RBFOX1: variants seen among roughly 807,000 people sequenced by gnomAD.
RBFOX1 encodes the protein RNA binding fox-1 homolog 1.
In RBFOX1, 8 loss-of-function variants were observed where a neutral mutation model predicts 57.7. The observed-to-expected ratio is 0.14, with a 90% CI of 0.08 to 0.25. RBFOX1 has a LOEUF of 0.25. Ranked by LOEUF, RBFOX1 falls within the 10% of genes least tolerant of loss-of-function variation. RBFOX1 has a pLI of 1.00. For missense variants in RBFOX1, 611 were observed against 548.5 expected (o/e 1.11, Z -1.14); for synonymous variants, 326 against 222.4 (o/e 1.47, Z -4.15).
At chr16:6,091,705 C>G (rs2096177317) in intron 1 of RBFOX1, among the ~76,000 whole-genome samples, 1 of 152,108 alleles carries the variant, frequency 6.6e-6, no homozygotes, top group African/African-American at 2.4e-5. Context: ...TGTCAGGAGC[C>G]TGGAATCCCA....
chr16:6,363,465 A>G (rs1441306220), intron 2 of RBFOX1, among the ~76,000 whole-genome samples: 9 of 152,216 alleles, frequency 5.9e-5, no homozygotes, highest in Non-Finnish European at 1.3e-4. Flanking sequence ...GAGATGTTCT[A>G]GCGTGGAATG....
chr16:7,265,439 ATTTATTTG>A (rs767610605), intron 4 of RBFOX1, among the ~76,000 whole-genome samples: 3 of 150,966 alleles, frequency 2.0e-5, no homozygotes, highest in Non-Finnish European at 4.4e-5. Context: ...TTATTCATTT[ATTTATTTG>A]TTTATTTATT....
intron 4 of RBFOX1, among the ~76,000 whole-genome samples, chr16:7,345,230 G>C (rs532759288): frequency 3.7e-4 from 57 of 152,244 alleles, no homozygotes; most frequent in Admixed American, 2.0e-3. Context: ...GCTTGCAAGC[G>C]ATGTCTTCTA....
At chr16:6,050,648 T>C (rs1246517181) in intron 1 of RBFOX1, among the ~76,000 whole-genome samples, 1 of 152,142 alleles carries the variant, frequency 6.6e-6, no homozygotes, top group Non-Finnish European at 1.5e-5. Flanking sequence ...GGTTGCAATT[T>C]AGTGACACTG....
intron 3 of RBFOX1, among the ~76,000 whole-genome samples, chr16:6,931,384 C>T (rs150941175): frequency 2.9e-4 from 43 of 150,334 alleles, no homozygotes; most frequent in African/African-American, 1.0e-3. Context: ...TATATACATA[C>T]ATATATGTGT....
intron 3 of RBFOX1, among the ~76,000 whole-genome samples, chr16:6,933,968 C>T (rs1040715964): frequency 6.6e-6 from 1 of 152,268 alleles, no homozygotes; most frequent in Admixed American, 6.5e-5. Flanking sequence ...GTACTTATCA[C>T]TAAAGTTAAT....
intron 1 of RBFOX1, among the ~76,000 whole-genome samples, chr16:6,199,314 C>T (rs895626865): frequency 6.6e-6 from 1 of 152,290 alleles, no homozygotes; most frequent in African/African-American, 2.4e-5. Flanking sequence ...TGGTTAAATG[C>T]ATGATTTCCC....
chr16:6,320,481 A>C (rs1357970004), intron 2 of RBFOX1, among the ~76,000 whole-genome samples: 1 of 152,114 alleles, frequency 6.6e-6, no homozygotes, highest in African/African-American at 2.4e-5. Context: ...GTACCCCTAA[A>C]AGTATTGAAA....
intron 1 of RBFOX1, among the ~76,000 whole-genome samples, chr16:5,246,824 C>A (rs1005400139): frequency 6.6e-6 from 1 of 152,098 alleles, no homozygotes; most frequent in African/African-American, 2.4e-5. Flanking sequence ...GCATGCACCA[C>A]CACGCTCCAC....
rs1009999149 is a variant in RBFOX1 at position 5,687,588 on chromosome 16, G to A, written c.318+88627G>A. 2.0e-5 allele frequency among the ~76,000 whole-genome samples: 3 copies of A among 152,276 alleles called. No homozygotes were observed. In the East Asian group the frequency reaches 5.8e-4, roughly 29 times the overall value. On this transcript the variant is annotated intron_variant, in intron 3 of 19. Transcript: ENST00000641259. ...CTTAAAGTTTCAGACTAAGTCTTTG[G>A]CCTCTCTGAAAGCCATTTTAGAGAA...
intron 3 of RBFOX1, among the ~76,000 whole-genome samples, chr16:5,646,748 C>T (rs530134789): frequency 2.4e-4 from 37 of 152,228 alleles, no homozygotes; most frequent in African/African-American, 8.7e-4. Context: ...CATTCTCCTG[C>T]CTTAGCCTCC....
At position 6,058,718 on chromosome 16, in the gene RBFOX1, C is replaced by A. The variant is rs113022183; in HGVS notation, c.-127+38726C>A. Among the ~76,000 whole-genome samples, 5 of 117,438 alleles carry A rather than the reference C, an allele frequency of 4.3e-5. 1 individual carries two copies. The highest frequency in any genetic ancestry group is 1.7e-4 in the African/African-American group (5 of 28,766). The allele number at this position is 117,438 out of a possible 152,430, so 77.0% of individuals were successfully genotyped here. A position where few individuals can be genotyped will look rare whatever the true frequency, so the allele number is the denominator to read the frequency against. On this transcript the variant is annotated intron_variant, in intron 1 of 15. Transcript: ENST00000550418. ...TCATCCATACATTCACCCACCCATC[C>A]ACCCACCCATCCACCAATCCATCCA... is the stretch of plus-strand genomic sequence containing the variant.
chr16:6,596,567 G>C (rs2097778597), intron 2 of RBFOX1, among the ~76,000 whole-genome samples: 1 of 143,264 alleles, frequency 7.0e-6, no homozygotes, highest in Non-Finnish European at 1.5e-5. Flanking sequence ...TCTAGGATAA[G>C]AGATGGGTAA....
At chr16:6,844,715 T>C (rs7187208) in intron 3 of RBFOX1, among the ~76,000 whole-genome samples, 119,475 of 152,148 alleles carry the variant, frequency 0.79, 47,667 homozygotes, top group African/African-American at 0.92. Flanking sequence ...AATTGGATTG[T>C]TGGGTCAAAT....
intron 10 of RBFOX1, among the ~76,000 whole-genome samples, chr16:7,629,027 C>G (rs750975222): frequency 1.3e-5 from 2 of 152,144 alleles, no homozygotes; most frequent in African/African-American, 2.4e-5. Flanking sequence ...TAGTTAATTT[C>G]GAGTTAATTT....
chr16:7,425,086 A>G (rs2098597264), intron 4 of RBFOX1, among the ~76,000 whole-genome samples: 1 of 152,274 alleles, frequency 6.6e-6, no homozygotes, highest in South Asian at 2.1e-4. Context: ...TCATTTTTTA[A>G]AATATGTTTT....
chr16:6,464,768 A>G (rs1336620015), intron 2 of RBFOX1, among the ~76,000 whole-genome samples: 1 of 152,238 alleles, frequency 6.6e-6, no homozygotes, highest in Non-Finnish European at 1.5e-5. Flanking sequence ...TTACTGAGCT[A>G]CAGCATTAAT....
intron 2 of RBFOX1, among the ~76,000 whole-genome samples, chr16:6,644,970 A>G (rs919171785): frequency 1.3e-5 from 2 of 152,160 alleles, no homozygotes; most frequent in African/African-American, 2.4e-5. Flanking sequence ...AGGTGCTTAA[A>G]ACAACTGAAA....
intron 3 of RBFOX1, among the ~76,000 whole-genome samples, chr16:6,927,926 T>C (rs1471789025): frequency 1.3e-5 from 2 of 152,210 alleles, no homozygotes; most frequent in Non-Finnish European, 2.9e-5. Flanking sequence ...TATAATGATA[T>C]AATGGCATTG....
Sources: allele counts gnomAD v4.1 joint callset (sites outside exome capture counted in the v4.1 genomes callset), GRCh38; gene constraint gnomAD v4.1.1; transcripts MANE v1.5; gene names NCBI Gene and HGNC (gene_info 2026-07-23, HGNC 2026-07-21).